Variants in CCNY observed in about 807,000 individuals in gnomAD.
CCNY encodes cyclin-Y.
Under a neutral mutation model 42.8 loss-of-function variants are expected in CCNY, and 19 were observed. The ratio of observed to expected loss-of-function variants is 0.44; its 90% CI spans 0.31 to 0.65. The LOEUF (loss-of-function observed/expected upper bound fraction) is 0.65, where lower values mean the gene tolerates loss of function less well. Among genes scored for constraint, CCNY ranks in the 30% least tolerant of loss-of-function variants. The probability of loss-of-function intolerance (pLI) is 0.07; values close to 1 mark genes in which losing one functional copy is unlikely to be tolerated. For missense variants in CCNY, 370 were observed against 437.3 expected (o/e 0.85, Z 1.37); for synonymous variants, 165 against 162.7 (o/e 1.01, Z -0.11).
intron 3 of CCNY, among the ~76,000 whole-genome samples, chr10:35,262,373 A>AT (rs945156796): frequency 7.3e-6 from 1 of 136,998 alleles, no homozygotes; most frequent in Non-Finnish European, 1.6e-5. Flanking sequence ...ATTTTATTTT[A>AT]TTTGAGATAC....
intron 1 of CCNY, among the ~76,000 whole-genome samples, chr10:35,459,981 G>A (rs149592382): frequency 1.7e-3 from 265 of 152,286 alleles, no homozygotes; most frequent in Admixed American, 3.5e-3. Flanking sequence ...TATAAATGCA[G>A]CCTAAAACAA....
chr10:35,571,174 A>G lies in CCNY; in HGVS notation c.*2004A>G, dbSNP rs1175165235. The G allele has an allele frequency of 6.6e-6, 1 of 152,318 alleles. No homozygotes were observed. Among genetic ancestry groups the G allele is most frequent in the African/African-American group, 2.4e-5 (1 of 41,570 alleles). 9.4% of individuals were successfully genotyped at this position (152,318 alleles called of 1,614,324 possible). A position where few individuals can be genotyped will look rare whatever the true frequency, so the allele number is the denominator to read the frequency against. On this transcript the variant is annotated 3_prime_UTR_variant, in exon 10 of 10. Coordinates refer to ENST00000374704, the MANE Select transcript of CCNY (RefSeq NM_145012.6). ...TCCAGTGAAGTATCTTATTTTACCAATCCATTTCAGGAAAGAGGTTCTGCT... is the reference window on the plus strand; with the variant it reads ...TCCAGTGAAGTATCTTATTTTACCAGTCCATTTCAGGAAAGAGGTTCTGCT...
chr10:35,290,223 C>CACACACACAA (rs1835397635), intron 3 of CCNY, among the ~76,000 whole-genome samples: 1 of 712 alleles, frequency 1.4e-3, no homozygotes, highest in Non-Finnish European at 6.8e-3. Context: ...AAGACTCCAT[C>CACACACACAA]ACACACACAC....
chr10:35,554,882 A>G (rs937906364), intron 8 of CCNY, among the ~76,000 whole-genome samples: 5 of 152,366 alleles, frequency 3.3e-5, no homozygotes, highest in African/African-American at 1.2e-4. Flanking sequence ...AAAAATGACC[A>G]GTGAATAACA....
intron 1 of CCNY, among the ~76,000 whole-genome samples, chr10:35,425,978 T>A (rs1838256201): frequency 6.6e-6 from 1 of 152,024 alleles, no homozygotes; most frequent in African/African-American, 2.4e-5. Context: ...TGCAGCTTCC[T>A]TTTCACCCTG....
At chr10:35,251,350 A>C (rs1332439422) in intron 3 of CCNY, among the ~76,000 whole-genome samples, 1 of 152,232 alleles carries the variant, frequency 6.6e-6, no homozygotes, top group Admixed American at 6.5e-5. Flanking sequence ...AATGAAATAC[A>C]AACAAAACTA....
rs148187133 is a variant in CCNY, at chr10:35,364,441, C to T, written c.154+27234C>T. Among the ~76,000 whole-genome samples the T allele has an allele frequency of 3.0e-3, 458 of 152,278 alleles. 5 individuals carry two copies. Among genetic ancestry groups the T allele is most frequent in the African/African-American group, 0.011 (450 of 41,568 alleles). On this transcript the variant is annotated intron_variant, in intron 1 of 9. Transcript: ENST00000374704. ...ATTAGATACATTGAAGGACTGACTG[C>T]TGACCATCAGATGTATGTTTTTAAA...
intron 1 of CCNY, among the ~76,000 whole-genome samples, chr10:35,460,685 G>A (rs781323017): frequency 1.3e-5 from 2 of 152,220 alleles, no homozygotes; most frequent in Admixed American, 1.3e-4. Flanking sequence ...CATATTTAAT[G>A]TGTTATCTAT....
At chr10:35,386,063 C>T (rs565322896) in intron 1 of CCNY, among the ~76,000 whole-genome samples, 13 of 152,018 alleles carry the variant, frequency 8.6e-5, no homozygotes, top group Non-Finnish European at 1.6e-4. Flanking sequence ...GAATAGCGTG[C>T]GCTTTTGGAC....
intron 1 of CCNY, among the ~76,000 whole-genome samples, chr10:35,398,834 A>G (rs568074224): frequency 6.6e-6 from 1 of 152,264 alleles, no homozygotes; most frequent in South Asian, 2.1e-4. Context: ...ACCAGACCAC[A>G]TTTGTGAGGG....
chr10:35,512,441 C>T (rs1180331794), intron 3 of CCNY, among the ~76,000 whole-genome samples: 1 of 152,086 alleles, frequency 6.6e-6, no homozygotes, highest in Non-Finnish European at 1.5e-5. Context: ...GCAGAGTCCA[C>T]AAAGGGACTG....
At position 35,569,453 on chromosome 10, in the gene CCNY, G is replaced by C. The variant is rs1841642240; in HGVS notation, c.*283G>C. Reference sequence around the variant, plus strand: ...GAAATAAAGGGAAAGGGAAGTCGTGGAGAGGCAGGGAAAATGGTTAAGCAG... The same window carrying C: ...GAAATAAAGGGAAAGGGAAGTCGTGCAGAGGCAGGGAAAATGGTTAAGCAG... On this transcript the variant is annotated 3_prime_UTR_variant, in exon 10 of 10. Transcript: ENST00000374704. The C allele has an allele frequency of 4.5e-6, 2 of 448,848 alleles. No individual in the cohort carries two copies. The highest frequency in any genetic ancestry group is 8.2e-6 in the Non-Finnish European group (2 of 243,120). The allele number at this position is 448,848 out of a possible 1,614,324, so 27.8% of individuals were successfully genotyped here. A position where few individuals can be genotyped will look rare whatever the true frequency, so the allele number is the denominator to read the frequency against.
intron 7 of CCNY, among the ~76,000 whole-genome samples, chr10:35,543,037 C>T (rs749104112): frequency 2.0e-5 from 3 of 152,152 alleles, no homozygotes; most frequent in African/African-American, 7.2e-5. Flanking sequence ...AAACAGATAC[C>T]TCAACTTGTT....
At chr10:35,529,455 G>C (rs560790571) in intron 5 of CCNY, among the ~76,000 whole-genome samples, 1 of 152,300 alleles carries the variant, frequency 6.6e-6, no homozygotes, top group Non-Finnish European at 1.5e-5. Context: ...TTAGCTAAGT[G>C]TGGTTTATAA....
rs139740343 is a variant in CCNY at position 35,547,478 on chromosome 10, C to T, written c.580-5541C>T. ...AAGGTCTCTTTGGCTTCCCGTGTGC[C>T]CATAGCTGCCTCCTCTGAACTTTGT... On this transcript the variant is annotated intron_variant, in intron 7 of 9. Coordinates refer to ENST00000374704, the MANE Select transcript of CCNY (RefSeq NM_145012.6). Among the ~76,000 whole-genome samples the T allele has an allele frequency of 2.1e-3, 324 of 152,196 alleles. 2 individuals are homozygous for T. The highest frequency in any genetic ancestry group is 7.3e-3 in the African/African-American group (304 of 41,528).
At chr10:35,253,607 G>A (rs1023676029) in intron 3 of CCNY, among the ~76,000 whole-genome samples, 4 of 151,284 alleles carry the variant, frequency 2.6e-5, no homozygotes, top group African/African-American at 9.7e-5. Flanking sequence ...ACACATCTTA[G>A]TAGATTCCCC....
chr10:35,401,078 C>T (rs796397357), intron 1 of CCNY, among the ~76,000 whole-genome samples: 8 of 152,372 alleles, frequency 5.3e-5, no homozygotes, highest in African/African-American at 1.7e-4. Context: ...TGGCCGGCCC[C>T]GGCCCAGGTG....
chr10:35,270,680 C>A (rs1283234271), intron 3 of CCNY, among the ~76,000 whole-genome samples: 2 of 151,056 alleles, frequency 1.3e-5, no homozygotes, highest in Non-Finnish European at 2.9e-5. Flanking sequence ...GTAGCTGAAT[C>A]TCTACCCCTT....
At chr10:35,344,362 C>G (rs1227783823) in intron 1 of CCNY, among the ~76,000 whole-genome samples, 1 of 152,086 alleles carries the variant, frequency 6.6e-6, no homozygotes, top group East Asian at 1.9e-4. Flanking sequence ...TGAGCCTCAC[C>G]TTCCTCTTCT....
Sources: gnomAD v4.1 joint callset for allele counts (sites outside exome capture counted in the v4.1 genomes callset) on GRCh38, gnomAD v4.1.1 for gene constraint, MANE v1.5 for transcripts, NCBI Gene and HGNC (gene_info 2026-07-23, HGNC 2026-07-21) for gene names.